Variants in SLC48A1 observed in about 807,000 individuals in gnomAD.
SLC48A1 encodes the protein solute carrier family 48 member 1.
In SLC48A1, 6 loss-of-function variants were observed where a neutral mutation model predicts 14.8. The observed-to-expected ratio is 0.41, with a 90% CI of 0.22 to 0.80. The LOEUF is 0.80. SLC48A1 is among the 30% of genes least tolerant of loss of function. The pLI is 0.34. For missense variants in SLC48A1, 165 were observed against 204.8 expected, an observed-to-expected ratio of 0.81 and a Z score of 1.19; for synonymous variants, 89 against 90.0, an observed-to-expected ratio of 0.99 and a Z score of 0.06.
At chr12:47,761,885 G>T (rs1028297540) in intron 2 of SLC48A1, among the ~76,000 whole-genome samples, 1 of 152,080 alleles carries the variant, frequency 6.6e-6, no homozygotes, top group African/African-American at 2.4e-5. Context: ...TTACAGATGA[G>T]GGACCTGAGA....
rs1942781924 is a variant in SLC48A1 at position 47,777,623 on chromosome 12, G to C, written c.137-1405G>C. On this transcript the variant is annotated intron_variant, in intron 1 of 2. Transcript: ENST00000442218. The surrounding 1 kb of genome is among the most constrained non-coding windows in gnomAD (Gnocchi z 4.5). ...GGGACAGCCTCTGAGCTGGTAACCA[G>C]AGCATAGCTCCACAGTGACAAGCTT... Among the ~76,000 whole-genome samples, 1 of 152,222 alleles carries C rather than the reference G, an allele frequency of 6.6e-6. No individual in the cohort carries two copies. Among genetic ancestry groups the C allele is most frequent in the African/African-American group, 2.4e-5 (1 of 41,444 alleles).
upstream of SLC48A1, chr12:47,757,813 C>A: frequency 6.7e-7 from 1 of 1,482,570 alleles, no homozygotes; most frequent in South Asian, 1.2e-5. Flanking sequence ...GATCTAGGCC[C>A]CCCTCTAGCT....
At chr12:47,778,832 G>T in intron 1 of SLC48A1, 196 bp from the exon 2 acceptor site, 1 of 498,948 alleles carries the variant, frequency 2.0e-6, no homozygotes, top group South Asian at 4.2e-5. Context: ...TTTCTCTAAT[G>T]TTGGGCTTAC....
chr12:47,763,742 A>T (rs1048803443), intron 2 of SLC48A1, among the ~76,000 whole-genome samples: 1 of 152,154 alleles, frequency 6.6e-6, no homozygotes, highest in Admixed American at 6.5e-5. Context: ...GCCACTTATG[A>T]CAGTGATGGG....
chr12:47,774,605 G>A (rs962510164), intron 1 of SLC48A1, among the ~76,000 whole-genome samples: 4 of 152,338 alleles, frequency 2.6e-5, no homozygotes, highest in Middle Eastern at 3.4e-3. Flanking sequence ...TTTACTCACT[G>A]CCACAGGGAG....
chr12:47,766,671 G>C (rs555509158), upstream of SLC48A1, among the ~76,000 whole-genome samples: 1 of 151,634 alleles, frequency 6.6e-6, no homozygotes, highest in Non-Finnish European at 1.5e-5. Flanking sequence ...TGACCCCCCA[G>C]GCCACCTGCC....
At chr12:47,764,814 C>T (rs545858918) in intron 2 of SLC48A1, among the ~76,000 whole-genome samples, 2 of 152,266 alleles carry the variant, frequency 1.3e-5, no homozygotes, top group South Asian at 2.1e-4. Flanking sequence ...TGCGGTGGCT[C>T]ACGCCGGTAA....
At position 47,779,806 on chromosome 12, in the gene SLC48A1, G is replaced by A. The variant is rs186846420; in HGVS notation, c.305-339G>A. ...GAGCTCTGCCTCCTGTCAGGTCAGCGGCGGGCATTAGAAGCGCAAACCCTG... is the reference window on the plus strand; with the variant it reads ...GAGCTCTGCCTCCTGTCAGGTCAGCAGCGGGCATTAGAAGCGCAAACCCTG... On this transcript the variant is annotated intron_variant, in intron 2 of 2. Coordinates refer to ENST00000442218, the MANE Select transcript of SLC48A1 (RefSeq NM_017842.3). Among the ~76,000 whole-genome samples, 659 of 152,328 alleles carry A rather than the reference G, an allele frequency of 4.3e-3. 3 individuals carry two copies. The highest frequency in any genetic ancestry group is 6.6e-3 in the Non-Finnish European group (452 of 68,020).
intron 1 of SLC48A1, 94 bp from the exon 2 acceptor site, chr12:47,778,934 A>G: frequency 7.5e-7 from 1 of 1,328,048 alleles, no homozygotes; most frequent in South Asian, 1.5e-5. Flanking sequence ...ACAAGACCAT[A>G]TTCTTGGTAT....
intron 1 of SLC48A1, among the ~76,000 whole-genome samples, chr12:47,776,072 G>A (rs1942745472): frequency 6.6e-6 from 1 of 152,202 alleles, no homozygotes; most frequent in Admixed American, 6.5e-5. Flanking sequence ...AGAGCCCTGG[G>A]GCTCCAGGAC....
chr12:47,770,106 A>C (rs1287570252), upstream of SLC48A1, among the ~76,000 whole-genome samples: 1 of 152,162 alleles, frequency 6.6e-6, no homozygotes, highest in Non-Finnish European at 1.5e-5. Flanking sequence ...TAGGCCTCTG[A>C]CCCCACCTGA....
chr12:47,760,071 T>C (rs1942330481), intron 1 of SLC48A1: 2 of 390,702 alleles, frequency 5.1e-6, no homozygotes, highest in Middle Eastern at 1.3e-3. Flanking sequence ...AAATTTTAAT[T>C]GTGATTAAAA....
At chr12:47,756,923 T>A (rs890041506), upstream of SLC48A1, among the ~76,000 whole-genome samples, 2 of 151,252 alleles carry the variant, frequency 1.3e-5, no homozygotes, top group African/African-American at 4.9e-5. Flanking sequence ...GAGCCAAGAT[T>A]GCTTCACTGC....
chr12:47,779,996 C>G, intron 2 of SLC48A1, 149 bp from the exon 3 acceptor site: 4 of 1,018,086 alleles, frequency 3.9e-6, no homozygotes, highest in South Asian at 1.9e-5. Context: ...GCTCTAAAAC[C>G]TCCATCACAG....
chr12:47,771,682 C>T (rs1942632877), upstream of SLC48A1: 1 of 152,170 alleles, frequency 6.6e-6, no homozygotes, highest in Non-Finnish European at 1.5e-5. Flanking sequence ...CCTGTAATCC[C>T]AGCACTTTGG....
At chr12:47,759,455 G>A (rs1942299856) in intron 1 of SLC48A1, among the ~76,000 whole-genome samples, 1 of 152,250 alleles carries the variant, frequency 6.6e-6, no homozygotes, top group African/African-American at 2.4e-5. Flanking sequence ...AGGAAACTGA[G>A]GCTGGAGAGG....
At chr12:47,771,934 A>G (rs1340567937), upstream of SLC48A1, among the ~76,000 whole-genome samples, 1 of 103,904 alleles carries the variant, frequency 9.6e-6, no homozygotes, top group East Asian at 2.0e-4. Flanking sequence ...CTCCGTCTCA[A>G]AAAAAAAAAA....
In SLC48A1 at chr12:47,780,477, G is replaced by T. The variant is rs1180930437; in HGVS notation, c.*196G>T. On this transcript the variant is annotated 3_prime_UTR_variant, in exon 3 of 3. Coordinates refer to ENST00000442218, the MANE Select transcript of SLC48A1 (RefSeq NM_017842.3). ...GGAAACCTGAGTGTGGTAGAGAGGG[G>T]ATCCTGCCATGTTGCTCCTCATCAG... The T allele has an allele frequency of 1.2e-6, 1 of 854,528 alleles. No homozygotes were observed. The allele number at this position is 854,528 out of a possible 1,614,324, so 52.9% of individuals were successfully genotyped here.
chr12:47,760,627 C>A (rs1942351178), intron 2 of SLC48A1, among the ~76,000 whole-genome samples: 1 of 152,208 alleles, frequency 6.6e-6, no homozygotes, highest in African/African-American at 2.4e-5. Flanking sequence ...AAAATCTAAT[C>A]ATGTGCGGGC....
Sources: allele counts gnomAD v4.1 joint callset (sites outside exome capture counted in the v4.1 genomes callset), GRCh38; gene constraint gnomAD v4.1.1; non-coding constraint Gnocchi (gnomAD v3.1); transcripts MANE v1.5; gene names NCBI Gene and HGNC (gene_info 2026-07-23, HGNC 2026-07-21).